MICU1: variants seen among roughly 807,000 people sequenced by gnomAD.
MICU1 encodes mitochondrial calcium uptake 1, also known as calcium uptake protein 1, mitochondrial.
In MICU1, 45 loss-of-function variants were observed where a neutral mutation model predicts 56.8. The ratio of observed to expected loss-of-function variants is 0.79; its 90% CI spans 0.62 to 1.02. MICU1 has a LOEUF of 1.02. MICU1 is among the 50% of genes least tolerant of loss of function. The probability of loss-of-function intolerance (pLI) is 0.00; values close to 1 mark genes in which losing one functional copy is unlikely to be tolerated. For missense variants in MICU1, 504 were observed against 587.1 expected, an observed-to-expected ratio of 0.86 and a Z score of 1.46; for synonymous variants, 186 against 195.1, an observed-to-expected ratio of 0.95 and a Z score of 0.39.
At chr10:72,579,157 T>G (rs968576692) in intron 1 of MICU1, among the ~76,000 whole-genome samples, 1 of 152,176 alleles carries the variant, frequency 6.6e-6, no homozygotes, top group African/African-American at 2.4e-5. Flanking sequence ...TATTTACATA[T>G]AAATAATATT....
intron 5 of MICU1, among the ~76,000 whole-genome samples, chr10:72,510,875 A>T (rs1589292650): frequency 6.6e-6 from 1 of 152,136 alleles, no homozygotes; most frequent in Non-Finnish European, 1.5e-5. Flanking sequence ...CAGGTAATCC[A>T]CCCACCTTGG....
At chr10:72,484,592 G>A (rs1194283129) in intron 6 of MICU1, among the ~76,000 whole-genome samples, 1 of 152,188 alleles carries the variant, frequency 6.6e-6, no homozygotes, top group African/African-American at 2.4e-5. Context: ...GCTAGGTGCA[G>A]TGGCTCATGC....
In MICU1 at chr10:72,465,206, T is replaced by C. The variant is rs1339993699; in HGVS notation, c.933+9894A>G. Among the ~76,000 whole-genome samples, 3 of 152,134 alleles carry C rather than the reference T, an allele frequency of 2.0e-5. No homozygotes were observed. The East Asian group carries it at 5.8e-4, about 29-fold the overall frequency. On this transcript the variant is annotated intron_variant, in intron 8 of 11. Coordinates refer to ENST00000361114, the MANE Select transcript of MICU1 (RefSeq NM_001195518.2). The stretch of plus-strand genomic sequence containing the variant: ...TTAGTAGAGACAGGGTTTTGCCATG[T>C]TGGCCAGGCTTGAACTCCTGGCCTC...
intron 1 of MICU1, among the ~76,000 whole-genome samples, chr10:72,605,603 A>C (rs1161063373): frequency 1.3e-5 from 2 of 152,226 alleles, no homozygotes; most frequent in Non-Finnish European, 1.5e-5. Flanking sequence ...AGGTAATATA[A>C]TAGAATGCTG....
At chr10:72,570,160 G>A (rs1291849371) in intron 1 of MICU1, among the ~76,000 whole-genome samples, 1 of 152,122 alleles carries the variant, frequency 6.6e-6, no homozygotes, top group Non-Finnish European at 1.5e-5. Flanking sequence ...GGCCAGGCTG[G>A]TCTCGAACTC....
chr10:72,458,741 ACT>A, intron 8 of MICU1, among the ~76,000 whole-genome samples: 1 of 147,288 alleles, frequency 6.8e-6, no homozygotes, highest in Middle Eastern at 3.5e-3. Flanking sequence ...ACAGGGTCTC[ACT>A]CTGTTGCCCA....
intron 11 of MICU1, among the ~76,000 whole-genome samples, chr10:72,368,719 G>A (rs1370058897): frequency 1.3e-5 from 2 of 152,076 alleles, no homozygotes; most frequent in African/African-American, 2.4e-5. Flanking sequence ...TGCTATGGGG[G>A]GCACAGAGGA....
chr10:72,433,595 T>A (rs1482185793), intron 8 of MICU1, among the ~76,000 whole-genome samples: 1 of 151,900 alleles, frequency 6.6e-6, no homozygotes, highest in Non-Finnish European at 1.5e-5. Flanking sequence ...GCCTGGCTAA[T>A]TTTTTTGTAT....
intron 5 of MICU1, among the ~76,000 whole-genome samples, chr10:72,514,139 C>A (rs1867571724): frequency 6.6e-6 from 1 of 151,980 alleles, no homozygotes. Flanking sequence ...TCCCTCTAGT[C>A]AATTTTTCAA....
rs148251936 is a variant in MICU1, at chr10:72,454,644, G to A, written c.933+20456C>T. On this transcript the variant is annotated intron_variant, in intron 8 of 11. Transcript: ENST00000361114. ...TTAAAAATACAAAAATTAGCCAGGC[G>A]TGGTGGTGTGCCCCTGTAGTCCCAG... is the stretch of plus-strand genomic sequence containing the variant. 2.9e-3 allele frequency among the ~76,000 whole-genome samples: 434 copies of A among 151,610 alleles called. 3 individuals carry two copies. Among genetic ancestry groups the A allele is most frequent in the African/African-American group, 9.7e-3 (401 of 41,370 alleles).
At chr10:72,601,428 TAAAA>T (rs77385847) in intron 1 of MICU1, among the ~76,000 whole-genome samples, 2 of 91,020 alleles carry the variant, frequency 2.2e-5, no homozygotes, top group Non-Finnish European at 4.5e-5. Flanking sequence ...ACCCTGTCTT[TAAAA>T]AAAAAAAAAA....
chr10:72,388,067 A>C (rs1862951245), intron 10 of MICU1, among the ~76,000 whole-genome samples: 1 of 152,214 alleles, frequency 6.6e-6, no homozygotes. Context: ...AGGTCACAAA[A>C]CTAGTGAATA....
intron 1 of MICU1, among the ~76,000 whole-genome samples, chr10:72,584,363 T>G (rs1840986533): frequency 6.6e-6 from 1 of 152,092 alleles, no homozygotes; most frequent in South Asian, 2.1e-4. Flanking sequence ...TAACCAAAGA[T>G]ACACTTATTT....
chr10:72,368,865 G>A (rs187570699), intron 11 of MICU1, among the ~76,000 whole-genome samples: 12 of 152,274 alleles, frequency 7.9e-5, no homozygotes, highest in African/African-American at 2.9e-4. Flanking sequence ...ATTCCAGGGA[G>A]GAGAAGCAGC....
At position 72,394,906 on chromosome 10, in the gene MICU1, C is replaced by T. The variant is rs977688774; in HGVS notation, c.1180+13023G>A. Among the ~76,000 whole-genome samples, 75 of 151,998 alleles carry T rather than the reference C, an allele frequency of 4.9e-4. 1 individual carries two copies. The highest frequency in any genetic ancestry group is 2.7e-3 in the Admixed American group (42 of 15,276). The stretch of plus-strand genomic sequence containing the variant: ...TTAGAAACCTAACTATCTGGCCAGA[C>T]ATGGTGGCTCACGCCTGTAATCCCA... On this transcript the variant is annotated intron_variant, in intron 10 of 11. Coordinates refer to ENST00000361114, the MANE Select transcript of MICU1 (RefSeq NM_001195518.2).
At chr10:72,613,812 T>G (rs1400447420) in intron 1 of MICU1, among the ~76,000 whole-genome samples, 2 of 152,052 alleles carry the variant, frequency 1.3e-5, no homozygotes, top group Non-Finnish European at 2.9e-5. Context: ...ATACATAACC[T>G]TTTTCTCCCC....
intron 8 of MICU1, among the ~76,000 whole-genome samples, chr10:72,441,350 T>C (rs1564870689): frequency 6.8e-6 from 1 of 146,400 alleles, no homozygotes. Context: ...AGGTAGGAAC[T>C]GAACAATGAG....
intron 5 of MICU1, chr10:72,528,725 T>C: frequency 4.5e-6 from 1 of 222,256 alleles, no homozygotes; most frequent in East Asian, 1.5e-4. Context: ...ACTTACTATA[T>C]ATGTCAAGGA....
chr10:72,499,219 A>T (rs1436517992), intron 6 of MICU1, among the ~76,000 whole-genome samples: 2 of 152,162 alleles, frequency 1.3e-5, no homozygotes, highest in Non-Finnish European at 1.5e-5. Context: ...ATCACAAGCA[A>T]TTATTCCCAA....
Sources: allele counts gnomAD v4.1 joint callset (sites outside exome capture counted in the v4.1 genomes callset), GRCh38; gene constraint gnomAD v4.1.1; transcripts MANE v1.5; gene names NCBI Gene and HGNC (gene_info 2026-07-23, HGNC 2026-07-21).